The following NCK2 variants were observed in gnomAD, a reference collection of about 807,000 sequenced individuals.
NCK2 encodes the protein cytoplasmic protein NCK2.
A neutral mutation model predicts 33.9 loss-of-function variants in NCK2; 16 were observed. The observed-to-expected ratio is 0.47, with a 90% CI of 0.32 to 0.72. The LOEUF (loss-of-function observed/expected upper bound fraction) is 0.72. Ranked by LOEUF, NCK2 falls within the 30% of genes least tolerant of loss-of-function variation. NCK2 has a pLI of 0.03. For synonymous variants in NCK2, 273 were observed against 239.9 expected, an observed-to-expected ratio of 1.14 and a Z score of -1.27; for missense variants, 418 against 537.3, an observed-to-expected ratio of 0.78 and a Z score of 2.19.
chr2:105,792,115 T>A (rs761460122), intron 1 of NCK2, among the ~76,000 whole-genome samples: 12 of 152,226 alleles, frequency 7.9e-5, no homozygotes, highest in Non-Finnish European at 1.8e-4. Flanking sequence ...AGACCCCTCC[T>A]GCTCAGCCTC....
At chr2:105,847,944 G>A (rs373188176) in intron 2 of NCK2, among the ~76,000 whole-genome samples, 3 of 152,076 alleles carry the variant, frequency 2.0e-5, no homozygotes, top group Admixed American at 6.5e-5. Context: ...GGATCTCTTC[G>A]TAAAACCTCA....
chr2:105,878,776 CAA>C (rs1678340874), intron 3 of NCK2, among the ~76,000 whole-genome samples: 1 of 152,174 alleles, frequency 6.6e-6, no homozygotes, highest in African/African-American at 2.4e-5. Context: ...TGAGTTGCGC[CAA>C]AGACTATTTA....
At chr2:105,764,940 AT>A (rs1171743552) in intron 1 of NCK2, among the ~76,000 whole-genome samples, 2 of 152,006 alleles carry the variant, frequency 1.3e-5, no homozygotes, top group African/African-American at 2.4e-5. Flanking sequence ...TAGTGTGCTC[AT>A]TTGGACATCT....
Position 105,893,342 on chromosome 2 carries a change from TCA to T in NCK2, c.*170_*171del. On this transcript the variant is annotated 3_prime_UTR_variant, in exon 5 of 5. Transcript: ENST00000233154. The stretch of plus-strand genomic sequence containing the variant: ...TCGTCTCCCATTTGCCATCCAGGCC[TCA>T]CACCCACACTCGAGCCCACCCGGCC... 3.0e-6 allele frequency: 2 copies of T among 664,482 alleles called. No homozygotes were observed. The highest frequency in any genetic ancestry group is 3.0e-5 in the Admixed American group (1 of 33,652). The allele number at this position is 664,482 out of a possible 1,614,324, so 41.2% of individuals were successfully genotyped here.
chr2:105,796,743 A>G (rs1053430679), intron 1 of NCK2, among the ~76,000 whole-genome samples: 1 of 152,156 alleles, frequency 6.6e-6, no homozygotes, highest in African/African-American at 2.4e-5. Flanking sequence ...TATCAGATAA[A>G]TTAAATGAAT....
At chr2:105,837,153 T>G (rs1401751859) in intron 2 of NCK2, among the ~76,000 whole-genome samples, 1 of 152,200 alleles carries the variant, frequency 6.6e-6, no homozygotes, top group Non-Finnish European at 1.5e-5. Context: ...TGAATTCCAG[T>G]GTTCTCCCTT....
chr2:105,870,865 C>T (rs1677970418), intron 3 of NCK2, among the ~76,000 whole-genome samples: 1 of 152,126 alleles, frequency 6.6e-6, no homozygotes, highest in African/African-American at 2.4e-5. Flanking sequence ...CAGCCAGTAA[C>T]AGCGGTGCTT....
At chr2:105,785,376 G>A (rs1283124504) in intron 1 of NCK2, among the ~76,000 whole-genome samples, 2 of 152,208 alleles carry the variant, frequency 1.3e-5, no homozygotes, top group Non-Finnish European at 2.9e-5. Flanking sequence ...AGGCTAGTGG[G>A]AAGCTTCCTG....
intron 2 of NCK2, among the ~76,000 whole-genome samples, chr2:105,832,860 T>G (rs1276732009): frequency 6.7e-6 from 1 of 148,620 alleles, no homozygotes; most frequent in African/African-American, 2.5e-5. Flanking sequence ...TTTTTTTTTA[T>G]TTTGTTTCGT....
intron 1 of NCK2, among the ~76,000 whole-genome samples, chr2:105,789,560 A>G (rs1169676674): frequency 2.0e-5 from 3 of 152,202 alleles, no homozygotes; most frequent in Non-Finnish European, 4.4e-5. Flanking sequence ...TTCTAGTTGA[A>G]GAGATGTTTC....
chr2:105,776,867 T>G (rs569852831), intron 1 of NCK2, among the ~76,000 whole-genome samples: 43 of 151,982 alleles, frequency 2.8e-4, no homozygotes, highest in Non-Finnish European at 2.9e-4. Context: ...TCTGCTCTCC[T>G]CTGGCCTTGG....
chr2:105,880,742 C>T (rs942300572), intron 3 of NCK2, among the ~76,000 whole-genome samples: 4 of 152,140 alleles, frequency 2.6e-5, no homozygotes, highest in Admixed American at 6.6e-5. Context: ...AAGGAAACCA[C>T]CTACTCTTGT....
chr2:105,826,379 G>A (rs1675944337), intron 2 of NCK2, among the ~76,000 whole-genome samples: 1 of 152,126 alleles, frequency 6.6e-6, no homozygotes, highest in African/African-American at 2.4e-5. Flanking sequence ...TAAGATTTGG[G>A]TGGGGACACA....
At chr2:105,838,609 A>G (rs879856541) in intron 2 of NCK2, among the ~76,000 whole-genome samples, 4 of 152,218 alleles carry the variant, frequency 2.6e-5, no homozygotes, top group Non-Finnish European at 5.9e-5. Flanking sequence ...CAATGAATAT[A>G]TCAAGAAGTG....
At chr2:105,872,641 C>G (rs2104634321) in intron 3 of NCK2, among the ~76,000 whole-genome samples, 1 of 152,284 alleles carries the variant, frequency 6.6e-6, no homozygotes, top group Middle Eastern at 3.4e-3. Flanking sequence ...AGCAAAGAAC[C>G]CTTCTTGAGA....
chr2:105,802,064 A>G (rs1322113770), intron 1 of NCK2, among the ~76,000 whole-genome samples: 2 of 152,162 alleles, frequency 1.3e-5, no homozygotes, highest in Non-Finnish European at 2.9e-5. Flanking sequence ...CATGATTTGT[A>G]CAGCAGCTTG....
intron 2 of NCK2, among the ~76,000 whole-genome samples, chr2:105,829,063 G>C (rs1224159939): frequency 6.6e-6 from 1 of 152,178 alleles, no homozygotes; most frequent in Non-Finnish European, 1.5e-5. Context: ...TTTTGGGGAG[G>C]TTCAGCAAGT....
intron 2 of NCK2, among the ~76,000 whole-genome samples, chr2:105,848,997 G>T (rs1026525094): frequency 6.6e-6 from 1 of 152,282 alleles, no homozygotes; most frequent in Non-Finnish European, 1.5e-5. Context: ...ATGCACACAT[G>T]TGCACATATG....
At chr2:105,812,760 C>A (rs893482158) in intron 1 of NCK2, among the ~76,000 whole-genome samples, 1 of 147,768 alleles carries the variant, frequency 6.8e-6, no homozygotes, top group African/African-American at 2.5e-5. Flanking sequence ...TTATGATACA[C>A]ACCCGAGTCC....
Sources: gnomAD v4.1 joint callset for allele counts (sites outside exome capture counted in the v4.1 genomes callset) on GRCh38, gnomAD v4.1.1 for gene constraint, MANE v1.5 for transcripts, NCBI Gene and HGNC (gene_info 2026-07-23, HGNC 2026-07-21) for gene names.